The following TBPL2 variants were observed in gnomAD, a reference collection of about 807,000 sequenced individuals.
The protein encoded by TBPL2 is TATA-box binding protein like 2.
A neutral mutation model predicts 38.2 loss-of-function variants in TBPL2; 40 were observed. That is an observed-to-expected ratio of 1.05 (90% confidence interval 0.81 to 1.36). TBPL2 has a LOEUF of 1.36. Among genes scored for constraint, TBPL2 ranks in the 40% most tolerant of loss-of-function variants. TBPL2 has a pLI of 0.00. For missense variants in TBPL2, 461 were observed against 456.7 expected, an observed-to-expected ratio of 1.01 and a Z score of -0.09; for synonymous variants, 169 against 171.7, an observed-to-expected ratio of 0.98 and a Z score of 0.12.
intron 6 of TBPL2, 116 bp downstream of exon 6, chr14:55,424,043 G>A (rs1036991491): frequency 3.0e-6 from 2 of 659,598 alleles, no homozygotes; most frequent in African/African-American, 3.6e-5. Context: ...TTCATTCCAG[G>A]TATTCTGTAT....
At chr14:55,415,002 T>C (rs1038064429) in intron 6 of TBPL2, among the ~76,000 whole-genome samples, 5 of 152,200 alleles carry the variant, frequency 3.3e-5, no homozygotes, top group Admixed American at 1.3e-4. Context: ...TTTCAAGAAA[T>C]TGTAAATCAT....
At position 55,439,532 on chromosome 14, in the gene TBPL2, G is replaced by T. The variant is rs188092329; in HGVS notation, c.150+864C>A. On this transcript the variant is annotated intron_variant, in intron 1 of 6. Coordinates refer to ENST00000247219, the Ensembl canonical transcript of TBPL2. ...GGGCCAGGAGTGGTGGCTCACGCCTGAAATCCCAGCACTTCGGGAGGCCAA... is the reference window on the plus strand; with the variant it reads ...GGGCCAGGAGTGGTGGCTCACGCCTTAAATCCCAGCACTTCGGGAGGCCAA... Among the ~76,000 whole-genome samples the T allele has an allele frequency of 6.8e-3, 1,013 of 148,162 alleles. 14 individuals carry two copies. Among genetic ancestry groups the T allele is most frequent in the African/African-American group, 0.024 (965 of 40,812 alleles).
chr14:55,421,060 C>CAAAAAAAAAA (rs71131263), intron 6 of TBPL2, among the ~76,000 whole-genome samples: 4 of 107,504 alleles, frequency 3.7e-5, no homozygotes, highest in Admixed American at 1.1e-4. Context: ...GAATCTGTCT[C>CAAAAAAAAAA]AAAAAAAAAA....
At chr14:55,414,436 C>A (rs1240336964) in exon 7 of TBPL2, 3 of 1,606,786 alleles carry the variant, frequency 1.9e-6, no homozygotes, top group Non-Finnish European at 2.5e-6. Flanking sequence ...CTTCATAGAT[C>A]TCAGAACGTT....
chr14:55,427,339 A>G (rs556380539), intron 5 of TBPL2, among the ~76,000 whole-genome samples: 1 of 152,350 alleles, frequency 6.6e-6, no homozygotes, highest in South Asian at 2.1e-4. Context: ...ACATGTCAAA[A>G]GAAAAATAAG....
At chr14:55,415,820 C>T (rs993392570) in intron 6 of TBPL2, among the ~76,000 whole-genome samples, 10 of 152,032 alleles carry the variant, frequency 6.6e-5, no homozygotes, top group Non-Finnish European at 7.4e-5. Flanking sequence ...GAGCAGAGTT[C>T]GCACCATTAC....
intron 5 of TBPL2, among the ~76,000 whole-genome samples, chr14:55,428,473 G>C (rs1427168226): frequency 7.7e-6 from 1 of 130,434 alleles, no homozygotes; most frequent in East Asian, 1.9e-4. Flanking sequence ...TCAATGTGTG[G>C]GCCTCTGACC....
chr14:55,425,361 T>TG (rs1178971139), intron 5 of TBPL2, among the ~76,000 whole-genome samples: 1 of 152,160 alleles, frequency 6.6e-6, no homozygotes, highest in Non-Finnish European at 1.5e-5. Flanking sequence ...AAATGAAGGC[T>TG]GGAGACACAA....
chr14:55,421,230 A>T (rs1334816224), intron 6 of TBPL2, among the ~76,000 whole-genome samples: 1 of 152,164 alleles, frequency 6.6e-6, no homozygotes, highest in African/African-American at 2.4e-5. Context: ...GTTTCCTTCC[A>T]AAGGACTTGA....
chr14:55,424,748 A>G (rs75915216), intron 5 of TBPL2, among the ~76,000 whole-genome samples: 2,263 of 152,340 alleles, frequency 0.015, 54 homozygotes, highest in African/African-American at 0.052. Flanking sequence ...ATAAATAAAG[A>G]AAATCCAATT....
At chr14:55,419,703 T>C (rs558748666) in intron 6 of TBPL2, among the ~76,000 whole-genome samples, 8 of 152,318 alleles carry the variant, frequency 5.3e-5, no homozygotes, top group Middle Eastern at 6.8e-3. Flanking sequence ...AAGACCATTT[T>C]ATATGGATAA....
intron 1 of TBPL2, among the ~76,000 whole-genome samples, chr14:55,439,614 A>ACCCCCCCCCCC (rs576819393): frequency 1.2e-5 from 1 of 84,510 alleles, no homozygotes; most frequent in African/African-American, 4.0e-5. Flanking sequence ...AGAAAAGCAA[A>ACCCCCCCCCCC]CCCCCCCCCG....
intron 1 of TBPL2, 110 bp downstream of exon 1, chr14:55,440,286 G>A (rs41299189): frequency 0.085 from 115,153 of 1,356,874 alleles, 5,214 homozygotes; most frequent in African/African-American, 0.14. Flanking sequence ...GGGAAACCAA[G>A]CCCGCCTCTT....
exon 1 of TBPL2, chr14:55,440,534 C>T (rs1156944033): frequency 2.5e-6 from 4 of 1,604,488 alleles, no homozygotes; most frequent in East Asian, 4.5e-5. Context: ...CCGGCCAGGG[C>T]GCAGAGGCCA....
chr14:55,427,727 A>C (rs903879228), intron 5 of TBPL2, among the ~76,000 whole-genome samples: 6 of 151,980 alleles, frequency 3.9e-5, no homozygotes, highest in Non-Finnish European at 8.8e-5. Flanking sequence ...GCGGGGGAGG[A>C]GCACTAGCTG....
intron 5 of TBPL2, 31 bp from the exon 6 acceptor site, chr14:55,424,284 A>T (rs748041032): frequency 2.8e-6 from 4 of 1,452,272 alleles, no homozygotes; most frequent in Admixed American, 1.7e-5. Flanking sequence ...AATGTTAAAA[A>T]TAGCACTATT....
chr14:55,421,481 T>C (rs1885744042), intron 6 of TBPL2, among the ~76,000 whole-genome samples: 1 of 152,188 alleles, frequency 6.6e-6, no homozygotes, highest in South Asian at 2.1e-4. Flanking sequence ...ATTTTTTAAT[T>C]AAGATGAAGT....
At chr14:55,421,073 A>AG (rs1885736468) in intron 6 of TBPL2, among the ~76,000 whole-genome samples, 1 of 151,614 alleles carries the variant, frequency 6.6e-6, no homozygotes, top group Non-Finnish European at 1.5e-5. Context: ...AAAAAAAAAA[A>AG]AAAAAGAAAA....
chr14:55,432,813 C>T (rs1338839981), intron 4 of TBPL2, among the ~76,000 whole-genome samples: 2 of 152,212 alleles, frequency 1.3e-5, no homozygotes, highest in South Asian at 2.1e-4. Context: ...TCTGCCACTA[C>T]AGAGTTATGG....
Sources: allele counts gnomAD v4.1 joint callset (sites outside exome capture counted in the v4.1 genomes callset), GRCh38; gene constraint gnomAD v4.1.1; transcripts MANE v1.5; gene names NCBI Gene and HGNC (gene_info 2026-07-23, HGNC 2026-07-21).